STON2: variants seen among roughly 807,000 people sequenced by gnomAD.
The protein encoded by STON2 is stonin 2, also known as stonin-2.
Under a neutral mutation model 65.7 loss-of-function variants are expected in STON2, and 29 were observed. That is an observed-to-expected ratio of 0.44 (90% CI 0.33 to 0.60). STON2 has a LOEUF of 0.60. STON2 is among the 20% of genes least tolerant of loss of function. STON2 has a pLI of 0.03. For synonymous variants in STON2, 404 were observed against 414.2 expected (o/e 0.98, Z 0.30); for missense variants, 1,054 against 1,118.1 (o/e 0.94, Z 0.82).
chr14:81,408,157 A>G lies in STON2; in HGVS notation c.-198-9577T>C, dbSNP rs75224277. ...GAAGAACACACACACACACACACAC[A>G]CGCGCACACACACACACATTAATTA... is the stretch of plus-strand genomic sequence containing the variant. On this transcript the variant is annotated intron_variant, in intron 2 of 8. Transcript: ENST00000553821. Among the ~76,000 whole-genome samples, 197 of 150,522 alleles carry G rather than the reference A, an allele frequency of 1.3e-3. 2 individuals carry two copies. Among genetic ancestry groups the G allele is most frequent in the South Asian group, 0.012 (57 of 4,772 alleles).
chr14:81,322,262 G>A (rs146882412), intron 5 of STON2, among the ~76,000 whole-genome samples: 31 of 152,298 alleles, frequency 2.0e-4, no homozygotes, highest in African/African-American at 7.2e-4. Flanking sequence ...GTACCGTAAC[G>A]TGTAGCATCC....
Position 81,317,997 on chromosome 14 carries a change from A to C in STON2, c.742+6020T>G, listed in dbSNP as rs183192012. Among the ~76,000 whole-genome samples, 873 of 151,744 alleles carry C rather than the reference A, an allele frequency of 5.8e-3. 7 individuals are homozygous for C. Among genetic ancestry groups the C allele is most frequent in the African/African-American group, 0.02 (831 of 41,360 alleles). Reference sequence around the variant, plus strand: ...GGGTGTGTTTTTTAGGCGGAGTCTCACTCTGTTGCCCAGGCTGGAGTGTAG... The same window carrying C: ...GGGTGTGTTTTTTAGGCGGAGTCTCCCTCTGTTGCCCAGGCTGGAGTGTAG... On this transcript the variant is annotated intron_variant, in intron 5 of 7. Coordinates refer to ENST00000614646, the MANE Select transcript of STON2 (RefSeq NM_001394390.1).
intron 5 of STON2, among the ~76,000 whole-genome samples, chr14:81,312,585 A>G (rs1345046336): frequency 6.6e-6 from 1 of 152,228 alleles, no homozygotes; most frequent in Non-Finnish European, 1.5e-5. Flanking sequence ...TTCTGTACCT[A>G]GCAGATGAAC....
At chr14:81,336,794 G>A (rs1354260351) in intron 4 of STON2, among the ~76,000 whole-genome samples, 3 of 152,128 alleles carry the variant, frequency 2.0e-5, no homozygotes, top group African/African-American at 4.8e-5. Context: ...ATACAAGATG[G>A]CTCAGGTTGG....
chr14:81,349,768 T>G (rs554986648), intron 4 of STON2, among the ~76,000 whole-genome samples: 4 of 152,210 alleles, frequency 2.6e-5, no homozygotes, highest in African/African-American at 9.6e-5. Flanking sequence ...CAAAGGTGTA[T>G]CAGCACCCCC....
chr14:81,401,413 G>A (rs116453704), upstream of STON2, among the ~76,000 whole-genome samples: 4,168 of 152,158 alleles, frequency 0.027, 83 homozygotes, highest in African/African-American at 0.052. Context: ...TGATCACATG[G>A]AACCCCCCAT....
rs140126079 is a variant in STON2, at chr14:81,359,667, T to C, written c.571+11321A>G. Among the ~76,000 whole-genome samples the C allele has an allele frequency of 5.2e-3, 791 of 151,924 alleles. 5 individuals are homozygous for C. Among genetic ancestry groups the C allele is most frequent in the African/African-American group, 0.018 (753 of 41,434 alleles). On this transcript the variant is annotated intron_variant, in intron 4 of 7. Coordinates refer to ENST00000614646, the MANE Select transcript of STON2 (RefSeq NM_001394390.1). ...AAATGGAAGACACAAGTAAATAAAA[T>C]GAGAAATGAAAGGGGAGACATTACA... is the stretch of plus-strand genomic sequence containing the variant.
At position 81,305,597 on chromosome 14, in the gene STON2, ATT is replaced by A. The variant is rs1322356822; in HGVS notation, c.742+18418_742+18419del. ...TAGAAGTTTTTTTTATATATTCAGG[ATT>A]TGATTTCTTTGTTATTATGTATTTA... On this transcript the variant is annotated intron_variant, in intron 5 of 7. Coordinates refer to ENST00000614646, the MANE Select transcript of STON2 (RefSeq NM_001394390.1). Among the ~76,000 whole-genome samples, 16 of 151,936 alleles carry A rather than the reference ATT, an allele frequency of 1.1e-4. No homozygotes were observed. The East Asian group carries it at 3.1e-3, about 29-fold the overall frequency.
chr14:81,411,605 G>T (rs1482225273), intron 2 of STON2, among the ~76,000 whole-genome samples: 5 of 152,212 alleles, frequency 3.3e-5, no homozygotes, highest in Non-Finnish European at 7.3e-5. Flanking sequence ...CACTCCAGAG[G>T]GTGAGGCAGG....
chr14:81,407,436 A>G (rs4578578), intron 2 of STON2, among the ~76,000 whole-genome samples: 2,194 of 152,356 alleles, frequency 0.014, 54 homozygotes, highest in African/African-American at 0.05. Context: ...GCTATGCTAT[A>G]TAATACAAAA....
chr14:81,278,843 A>G (rs1027433160), intron 5 of STON2, 104 bp from the exon 6 acceptor site: 8 of 898,566 alleles, frequency 8.9e-6, no homozygotes, highest in Non-Finnish European at 1.1e-5. Flanking sequence ...ACTGGAATCC[A>G]GTACATTCCA....
rs1361873846 is a variant in STON2 at position 81,265,891 on chromosome 14, C to T, written c.*2523G>A. On this transcript the variant is annotated 3_prime_UTR_variant, in exon 8 of 8. Coordinates refer to ENST00000614646, the MANE Select transcript of STON2 (RefSeq NM_001394390.1). ...GCAGAGATCTTGACAGAGTGCTAAG[C>T]GTGAGTGACTAAGGAAGGTGCTGGG... The T allele has an allele frequency of 1.9e-5, 19 of 985,106 alleles. No individual in the cohort carries two copies. The highest frequency in any genetic ancestry group is 5.2e-5 in the African/African-American group (3 of 57,174). The allele number at this position is 985,106 out of a possible 1,614,324, so 61.0% of individuals were successfully genotyped here.
intron 5 of STON2, among the ~76,000 whole-genome samples, chr14:81,302,778 G>T (rs1896015746): frequency 6.6e-6 from 1 of 152,238 alleles, no homozygotes; most frequent in East Asian, 1.9e-4. Flanking sequence ...AATTATATAA[G>T]ATCTGTAAGC....
chr14:81,373,999 C>CTTTTTTTTTTTTTTTT lies in STON2; in HGVS notation c.374-2830_374-2815dup, dbSNP rs57877137. ...GGAAAAGCAAATACTATAATAATGC[C>CTTTTTTTTTTTTTTTT]TTTTTTTTTTTTTTTTTTTTTTTTT... On this transcript the variant is annotated intron_variant, in intron 3 of 7. Coordinates refer to ENST00000614646, the MANE Select transcript of STON2 (RefSeq NM_001394390.1). 5.0e-5 allele frequency among the ~76,000 whole-genome samples: 3 copies of CTTTTTTTTTTTTTTTT among 60,470 alleles called. 1 individual carries two copies. Among genetic ancestry groups the CTTTTTTTTTTTTTTTT allele is most frequent in the African/African-American group, 2.4e-4 (3 of 12,302 alleles). The allele number at this position is 60,470 out of a possible 152,430, so 39.7% of individuals were successfully genotyped here. A position where few individuals can be genotyped will look rare whatever the true frequency, so the allele number is the denominator to read the frequency against.
chr14:81,339,473 T>A (rs1279998890), intron 4 of STON2, among the ~76,000 whole-genome samples: 1 of 152,076 alleles, frequency 6.6e-6, no homozygotes, highest in Non-Finnish European at 1.5e-5. Flanking sequence ...CAACCATCAC[T>A]GTGGGAAAGA....
intron 2 of STON2, among the ~76,000 whole-genome samples, chr14:81,411,387 A>C (rs775174335): frequency 3.9e-5 from 6 of 152,244 alleles, no homozygotes; most frequent in Non-Finnish European, 7.3e-5. Context: ...GTGGTTATTA[A>C]ATACCAGCTA....
chr14:81,261,747 A>G lies in STON2; in HGVS notation c.*6667T>C. The stretch of plus-strand genomic sequence containing the variant: ...TGTCAGGTAGCACCCAAATCCTAAC[A>G]TCTATTTTGGAGACCTGTCTGTGCC... On this transcript the variant is annotated 3_prime_UTR_variant, in exon 8 of 8. Coordinates refer to ENST00000614646, the MANE Select transcript of STON2 (RefSeq NM_001394390.1). 6.8e-7 allele frequency: 1 copy of G among 1,470,338 alleles called. No individual in the cohort carries two copies. The highest frequency in any genetic ancestry group is 1.4e-5 in the South Asian group (1 of 72,168). The allele number at this position is 1,470,338 out of a possible 1,614,324, so 91.1% of individuals were successfully genotyped here. A position where few individuals can be genotyped will look rare whatever the true frequency, so the allele number is the denominator to read the frequency against.
intron 5 of STON2, among the ~76,000 whole-genome samples, chr14:81,288,098 T>C: frequency 1.3e-5 from 2 of 152,232 alleles, no homozygotes; most frequent in East Asian, 1.9e-4. Context: ...TATAACAAGG[T>C]ATCTTGAAAA....
chr14:81,387,949 C>CTTTTTTTT (rs369887955), intron 3 of STON2, among the ~76,000 whole-genome samples: 2 of 102,790 alleles, frequency 1.9e-5, no homozygotes, highest in African/African-American at 8.6e-5. Flanking sequence ...TATTTCTTTT[C>CTTTTTTTT]TTTTTTTTTT....
Sources: allele counts gnomAD v4.1 joint callset (sites outside exome capture counted in the v4.1 genomes callset), GRCh38; gene constraint gnomAD v4.1.1; transcripts MANE v1.5; gene names NCBI Gene and HGNC (gene_info 2026-07-23, HGNC 2026-07-21).